PCDH15: variants seen among roughly 807,000 people sequenced by gnomAD.
PCDH15 encodes protocadherin related 15.
PCDH15 carries 129 observed loss-of-function variants against 178.5 expected under a neutral mutation model. That is an observed-to-expected ratio of 0.72 (90% confidence interval 0.63 to 0.84). The LOEUF (loss-of-function observed/expected upper bound fraction) is 0.84, where lower values mean the gene tolerates loss of function less well. PCDH15 is among the 40% of genes least tolerant of loss of function. The probability of loss-of-function intolerance (pLI) is 0.00; values close to 1 mark genes in which losing one functional copy is unlikely to be tolerated. For synonymous variants in PCDH15, 800 were observed against 732.0 expected (o/e 1.09, Z -1.50); for missense variants, 2,230 against 2,099.9 (o/e 1.06, Z -1.21).
intron 2 of PCDH15, among the ~76,000 whole-genome samples, chr10:55,102,086 C>T (rs943828456): frequency 6.6e-5 from 10 of 151,756 alleles, no homozygotes; most frequent in African/African-American, 1.9e-4. Flanking sequence ...CTTTATTGTA[C>T]ATTGCTTTTT....
intron 2 of PCDH15, among the ~76,000 whole-genome samples, chr10:55,374,519 A>G (rs79940708): frequency 0.02 from 2,999 of 152,206 alleles, 99 homozygotes; most frequent in African/African-American, 0.068. Flanking sequence ...CACTTGCTTG[A>G]CAGATGCCAA....
At chr10:53,916,711 C>G (rs144169111) in intron 25 of PCDH15, among the ~76,000 whole-genome samples, 2 of 152,122 alleles carry the variant, frequency 1.3e-5, no homozygotes, top group African/African-American at 4.8e-5. Flanking sequence ...CCTGATAATA[C>G]CACATGTATG....
chr10:54,197,695 T>G (rs2049814530), intron 10 of PCDH15, among the ~76,000 whole-genome samples: 3 of 152,164 alleles, frequency 2.0e-5, no homozygotes, highest in Admixed American at 2.0e-4. Flanking sequence ...TAATAGTAAT[T>G]TAACATTTTC....
intron 18 of PCDH15, among the ~76,000 whole-genome samples, chr10:54,032,315 C>G (rs1205253735): frequency 6.6e-6 from 1 of 152,040 alleles, no homozygotes; most frequent in Non-Finnish European, 1.5e-5. Context: ...TTGTATGTTT[C>G]TTTACCACAT....
chr10:54,579,723 T>C (rs190567125), intron 2 of PCDH15, among the ~76,000 whole-genome samples: 34 of 152,098 alleles, frequency 2.2e-4, no homozygotes, highest in Admixed American at 2.0e-3. Flanking sequence ...GGTGACCACA[T>C]GCTCAGCCAT....
At chr10:54,841,007 T>G (rs752778319) in intron 3 of PCDH15, among the ~76,000 whole-genome samples, 3 of 151,848 alleles carry the variant, frequency 2.0e-5, no homozygotes, top group Non-Finnish European at 2.9e-5. Flanking sequence ...ATTTCCATAC[T>G]GGATAGATCA....
chr10:54,404,030 C>A (rs924938319), intron 3 of PCDH15, among the ~76,000 whole-genome samples: 1 of 151,800 alleles, frequency 6.6e-6, no homozygotes, highest in African/African-American at 2.4e-5. Context: ...TGCTAAAATA[C>A]CTATAATATC....
At chr10:54,273,374 TA>T (rs201148501) in intron 8 of PCDH15, among the ~76,000 whole-genome samples, 81 of 81,188 alleles carry the variant, frequency 1.0e-3, no homozygotes, top group Admixed American at 5.1e-3. Context: ...AGTAGTACAG[TA>T]AAAAAAAAAA....
intron 2 of PCDH15, among the ~76,000 whole-genome samples, chr10:55,051,705 A>G (rs1364657558): frequency 6.6e-6 from 1 of 152,232 alleles, no homozygotes; most frequent in Non-Finnish European, 1.5e-5. Context: ...CATCTGCCAA[A>G]GAGCATAGTC....
chr10:54,137,328 T>C (rs999631952), intron 14 of PCDH15, among the ~76,000 whole-genome samples: 6 of 152,204 alleles, frequency 3.9e-5, no homozygotes, highest in African/African-American at 1.4e-4. Flanking sequence ...CATAAAGCTT[T>C]ATTATATTTC....
intron 3 of PCDH15, among the ~76,000 whole-genome samples, chr10:54,511,105 T>C (rs570220008): frequency 3.9e-5 from 6 of 152,286 alleles, no homozygotes; most frequent in African/African-American, 7.2e-5. Context: ...ATGGAATACA[T>C]TGATGTCAAT....
At chr10:54,084,436 G>A (rs1268341071) in intron 16 of PCDH15, among the ~76,000 whole-genome samples, 1 of 151,420 alleles carries the variant, frequency 6.6e-6, no homozygotes, top group East Asian at 2.0e-4. Flanking sequence ...CCATACCACA[G>A]CTCTCCAGTC....
chr10:54,073,282 A>G (rs2094281621), intron 17 of PCDH15, among the ~76,000 whole-genome samples: 1 of 151,268 alleles, frequency 6.6e-6, no homozygotes, highest in Non-Finnish European at 1.5e-5. Flanking sequence ...ATATTTGTAC[A>G]TAAACATTTT....
intron 33 of PCDH15, among the ~76,000 whole-genome samples, chr10:53,818,981 A>G (rs2076160267): frequency 6.6e-6 from 1 of 151,354 alleles, no homozygotes; most frequent in Non-Finnish European, 1.5e-5. Context: ...AACTGTTTGT[A>G]AAAAAAAGTA....
chr10:54,741,014 T>C (rs1309064012), intron 1 of PCDH15, among the ~76,000 whole-genome samples: 1 of 151,896 alleles, frequency 6.6e-6, no homozygotes, highest in Non-Finnish European at 1.5e-5. Context: ...GCTAGAAGAT[T>C]TGGAATGTTC....
At chr10:55,073,276 G>A (rs1017939398) in intron 2 of PCDH15, among the ~76,000 whole-genome samples, 1 of 151,974 alleles carries the variant, frequency 6.6e-6, no homozygotes, top group African/African-American at 2.4e-5. Context: ...AGGAAATAAA[G>A]GGTATTCAAT....
chr10:54,514,333 TG>T, intron 3 of PCDH15, among the ~76,000 whole-genome samples: 1 of 152,224 alleles, frequency 6.6e-6, no homozygotes, highest in East Asian at 1.9e-4. Context: ...GTGTTTTACT[TG>T]CCAACAATAA....
In PCDH15 at chr10:55,130,691, G is replaced by A. The variant is rs1384529653; in HGVS notation, c.-80+35885C>T. Reference sequence around the variant, plus strand: ...TAAACACACATACACGTGTGTGTGTGTGTGTGTGTGTGTGTGTGTGTGTGT... The same window carrying A: ...TAAACACACATACACGTGTGTGTGTATGTGTGTGTGTGTGTGTGTGTGTGT... On this transcript the variant is annotated intron_variant, in intron 2 of 5. Coordinates refer to the PCDH15 transcript ENST00000458638. Among the ~76,000 whole-genome samples, 535 of 118,416 alleles carry A rather than the reference G, an allele frequency of 4.5e-3. 8 individuals are homozygous for A. The highest frequency in any genetic ancestry group is 0.017 in the African/African-American group (502 of 30,356). The allele number at this position is 118,416 out of a possible 152,430, so 77.7% of individuals were successfully genotyped here.
intron 2 of PCDH15, among the ~76,000 whole-genome samples, chr10:54,931,187 TTA>T (rs1284848238): frequency 4.6e-5 from 7 of 152,244 alleles, no homozygotes; most frequent in Non-Finnish European, 1.0e-4. Flanking sequence ...ATGAGCTATA[TTA>T]TCCTCTGGGT....
Sources: gnomAD v4.1 joint callset for allele counts (sites outside exome capture counted in the v4.1 genomes callset) on GRCh38, gnomAD v4.1.1 for gene constraint, MANE v1.5 for transcripts, NCBI Gene and HGNC (gene_info 2026-07-23, HGNC 2026-07-21) for gene names.